VAMP4: variants seen among roughly 807,000 people sequenced by gnomAD.
VAMP4 encodes the protein vesicle associated membrane protein 4, also known as vesicle-associated membrane protein 4.
A neutral mutation model predicts 23.5 loss-of-function variants in VAMP4; 19 were observed. The ratio of observed to expected loss-of-function variants is 0.81; its 90% CI spans 0.56 to 1.19. VAMP4 has a LOEUF of 1.19. VAMP4 is among the 50% of genes most tolerant of loss of function. The probability of loss-of-function intolerance (pLI) is 0.00; values close to 1 mark genes in which losing one functional copy is unlikely to be tolerated. For synonymous variants in VAMP4, 31 were observed against 51.0 expected, an observed-to-expected ratio of 0.61 and a Z score of 1.67; for missense variants, 145 against 168.6, an observed-to-expected ratio of 0.86 and a Z score of 0.78.
intron 1 of VAMP4, among the ~76,000 whole-genome samples, chr1:171,740,155 T>C (rs1655880764): frequency 6.6e-6 from 1 of 152,176 alleles, no homozygotes; most frequent in Non-Finnish European, 1.5e-5. Flanking sequence ...ACTACATTCA[T>C]TGAAACAGCA....
chr1:171,739,853 T>C (rs918658774), intron 1 of VAMP4, among the ~76,000 whole-genome samples: 5 of 152,236 alleles, frequency 3.3e-5, no homozygotes, highest in African/African-American at 1.2e-4. Context: ...TCCTGTTATA[T>C]GCTAATATGC....
intron 4 of VAMP4, among the ~76,000 whole-genome samples, chr1:171,711,077 G>A (rs2124841963): frequency 6.6e-6 from 1 of 152,192 alleles, no homozygotes; most frequent in Middle Eastern, 3.4e-3. Flanking sequence ...TCATAAGCAA[G>A]TTAAATGTAC....
At chr1:171,736,799 A>G (rs570299983) in intron 2 of VAMP4, among the ~76,000 whole-genome samples, 66 of 152,294 alleles carry the variant, frequency 4.3e-4, no homozygotes, top group African/African-American at 1.5e-3. Flanking sequence ...CAACACGGCA[A>G]AACCCCATCT....
chr1:171,736,646 T>TAAAAAACAAA (rs1315132911), intron 2 of VAMP4, among the ~76,000 whole-genome samples: 2 of 138,756 alleles, frequency 1.4e-5, no homozygotes, highest in Non-Finnish European at 3.1e-5. Context: ...ATTTCCCCAT[T>TAAAAAACAAA]AAAAAACAAA....
chr1:171,739,360 G>A (rs1440578702), intron 1 of VAMP4, among the ~76,000 whole-genome samples: 1 of 152,208 alleles, frequency 6.6e-6, no homozygotes, highest in Non-Finnish European at 1.5e-5. Flanking sequence ...GTTCCTGGAC[G>A]GTGGCACACC....
At chr1:171,741,247 TGAATCTG>T (rs1655914421) in intron 1 of VAMP4, among the ~76,000 whole-genome samples, 1 of 152,330 alleles carries the variant, frequency 6.6e-6, no homozygotes, top group South Asian at 2.1e-4. Flanking sequence ...TCAATAGCTT[TGAATCTG>T]GGCAAAGGCT....
chr1:171,731,251 C>T (rs1655556022), intron 2 of VAMP4, among the ~76,000 whole-genome samples: 1 of 152,036 alleles, frequency 6.6e-6, no homozygotes, highest in Non-Finnish European at 1.5e-5. Context: ...GAACATCACA[C>T]ACCGGGGCCT....
Position 171,704,433 on chromosome 1 carries a change from G to A in VAMP4, c.*73C>T. 5.2e-6 allele frequency: 7 copies of A among 1,350,534 alleles called. No individual in the cohort carries two copies. Among genetic ancestry groups the A allele is most frequent in the South Asian group, 3.1e-5 (2 of 65,074 alleles). 83.7% of individuals were successfully genotyped at this position (1,350,534 alleles called of 1,614,324 possible). A position where few individuals can be genotyped will look rare whatever the true frequency, so the allele number is the denominator to read the frequency against. ...AGTTTTGAAAGTTATATACACATAGGTTTCATTTAAATTATGCAGCAATCT... is the reference window on the plus strand; with the variant it reads ...AGTTTTGAAAGTTATATACACATAGATTTCATTTAAATTATGCAGCAATCT... On this transcript the variant is annotated 3_prime_UTR_variant, in exon 8 of 8. Coordinates refer to ENST00000236192, the MANE Select transcript of VAMP4 (RefSeq NM_003762.5).
intron 4 of VAMP4, among the ~76,000 whole-genome samples, chr1:171,718,868 C>A (rs1655099870): frequency 6.6e-6 from 1 of 152,108 alleles, no homozygotes; most frequent in African/African-American, 2.4e-5. Flanking sequence ...TATAACCCAG[C>A]AGTTATATTT....
chr1:171,729,520 G>A (rs960327573), intron 2 of VAMP4, among the ~76,000 whole-genome samples: 3 of 152,116 alleles, frequency 2.0e-5, no homozygotes, highest in African/African-American at 7.2e-5. Flanking sequence ...TTCCATTGTG[G>A]CATCATGCTG....
chr1:171,717,354 T>C (rs1365940675), intron 4 of VAMP4, among the ~76,000 whole-genome samples: 1 of 152,164 alleles, frequency 6.6e-6, no homozygotes, highest in Non-Finnish European at 1.5e-5. Flanking sequence ...CACACAGGCT[T>C]GAACTACAGC....
In VAMP4 at chr1:171,736,574, T is replaced by C. The variant is rs566062592; in HGVS notation, c.66+1775A>G. Among the ~76,000 whole-genome samples, 9 of 152,294 alleles carry C rather than the reference T, an allele frequency of 5.9e-5. No individual in the cohort carries two copies. In the South Asian group the frequency reaches 1.9e-3, roughly 32 times the overall value. ...ACTGGATTTGGCAACATGGAAATCA[T>C]TGGTGACTCCTTAAAGTTTATTAGT... On this transcript the variant is annotated intron_variant, in intron 2 of 7. Coordinates refer to ENST00000236192, the MANE Select transcript of VAMP4 (RefSeq NM_003762.5).
chr1:171,727,114 C>A (rs1655395053), intron 3 of VAMP4, among the ~76,000 whole-genome samples: 1 of 151,646 alleles, frequency 6.6e-6, no homozygotes, highest in Non-Finnish European at 1.5e-5. Flanking sequence ...ATGGCACACA[C>A]CCGTAGTCCC....
intron 6 of VAMP4, among the ~76,000 whole-genome samples, chr1:171,706,934 T>A (rs1314352300): frequency 6.6e-6 from 1 of 152,206 alleles, no homozygotes; most frequent in African/African-American, 2.4e-5. Flanking sequence ...GTTTTTCAAC[T>A]TTACCTGAAA....
At chr1:171,717,618 CT>C (rs11301465) in intron 4 of VAMP4, among the ~76,000 whole-genome samples, 53,390 of 149,404 alleles carry the variant, frequency 0.36, 9,883 homozygotes, top group African/African-American at 0.48. Context: ...TTGACCTCCC[CT>C]TTTTTTTTTA....
rs1323129377 is a variant in VAMP4, at chr1:171,722,011, A to G, written c.114-2790T>C. 2.0e-5 allele frequency among the ~76,000 whole-genome samples: 3 copies of G among 152,338 alleles called. No individual in the cohort carries two copies. In the East Asian group the frequency reaches 5.8e-4, roughly 29 times the overall value. ...GCTACCTGACTTCAAACTATACTAC[A>G]AGGCTACAGTAACCAAAACAGCATG... On this transcript the variant is annotated intron_variant, in intron 3 of 7. Transcript: ENST00000236192.
rs1041856564 is a variant in VAMP4, at chr1:171,701,773, G to A, written c.*2733C>T. The A allele has an allele frequency of 2.0e-5, 3 of 152,024 alleles. No individual in the cohort carries two copies. The highest frequency in any genetic ancestry group is 7.2e-5 in the African/African-American group (3 of 41,388). The allele number at this position is 152,024 out of a possible 1,614,324, so 9.4% of individuals were successfully genotyped here. On this transcript the variant is annotated 3_prime_UTR_variant, in exon 8 of 8. Coordinates refer to ENST00000236192, the MANE Select transcript of VAMP4 (RefSeq NM_003762.5). ...AAATCCCCCAGTTTATAAAATCTGA[G>A]GGCAATTTCCAGTGAACTTTGTCAG...
At chr1:171,726,069 G>A (rs1277484606) in intron 3 of VAMP4, among the ~76,000 whole-genome samples, 1 of 150,856 alleles carries the variant, frequency 6.6e-6, no homozygotes, top group Non-Finnish European at 1.5e-5. Context: ...TTTTTTTGGG[G>A]GGGGCGAAGT....
At position 171,715,506 on chromosome 1, in the gene VAMP4, G is replaced by T. The variant is rs530280462; in HGVS notation, c.164+3665C>A. ...ATCCCTTACTACGTATGTGACTTTG[G>T]AATTCACCTTGGAAGCCTGTTTTAG... On this transcript the variant is annotated intron_variant, in intron 4 of 7. Transcript: ENST00000236192. Among the ~76,000 whole-genome samples, 4 of 152,230 alleles carry T rather than the reference G, an allele frequency of 2.6e-5. No homozygotes were observed. In the East Asian group the frequency reaches 7.7e-4, roughly 29 times the overall value.
Sources: gnomAD v4.1 joint callset for allele counts (sites outside exome capture counted in the v4.1 genomes callset) on GRCh38, gnomAD v4.1.1 for gene constraint, MANE v1.5 for transcripts, NCBI Gene and HGNC (gene_info 2026-07-23, HGNC 2026-07-21) for gene names.